Variants in ANK3 observed in about 807,000 individuals in gnomAD.
ANK3 encodes ankyrin-3.
In ANK3, 57 loss-of-function variants were observed where a neutral mutation model predicts 370.9. That is an observed-to-expected ratio of 0.15 (90% CI 0.12 to 0.19). ANK3 has a LOEUF of 0.19. ANK3 is among the 10% of genes least tolerant of loss of function. The pLI is 1.00. For synonymous variants in ANK3, 1,929 were observed against 1,946.3 expected (o/e 0.99, Z 0.23); for missense variants, 4,439 against 5,302.1 (o/e 0.84, Z 5.06).
chr10:60,089,459 T>TTGTGTGTGTGTGTG (rs61497871), intron 28 of ANK3, among the ~76,000 whole-genome samples: 3 of 141,536 alleles, frequency 2.1e-5, no homozygotes, highest in Non-Finnish European at 4.6e-5. Flanking sequence ...TCCATCCAGG[T>TTGTGTGTGTGTGTG]TGTGTGTGTG....
chr10:60,044,006 C>T (rs184496885), intron 42 of ANK3: 831 of 985,810 alleles, frequency 8.4e-4, no homozygotes, highest in Non-Finnish European at 9.5e-4. Flanking sequence ...AGCCTGTTAG[C>T]AGCAATTTCT....
intron 2 of ANK3, among the ~76,000 whole-genome samples, chr10:60,569,841 T>C (rs900944515): frequency 1.3e-5 from 2 of 152,184 alleles, no homozygotes; most frequent in African/African-American, 2.4e-5. Context: ...TAATTCCATA[T>C]GTCACTAGGA....
rs527349407 is a variant in ANK3, at chr10:60,574,082, C to T, written c.96+41104G>A. On this transcript the variant is annotated intron_variant, in intron 2 of 43. Coordinates refer to the ANK3 transcript ENST00000373827. ...GACTTAACAGTGGTTGAGGACATGA[C>T]GCTAAAATATTAAACCAAAAGAACA... is the stretch of plus-strand genomic sequence containing the variant. Among the ~76,000 whole-genome samples the T allele has an allele frequency of 1.9e-4, 29 of 152,206 alleles. No individual in the cohort carries two copies. The Middle Eastern group carries it at 0.017, about 89-fold the overall frequency.
At chr10:60,185,050 C>T (rs2096288455) in intron 17 of ANK3, among the ~76,000 whole-genome samples, 1 of 152,074 alleles carries the variant, frequency 6.6e-6, no homozygotes, top group African/African-American at 2.4e-5. Flanking sequence ...TTCAAAAGAT[C>T]AAACAAATCT....
chr10:60,727,720 T>G (rs1293751008), intron 1 of ANK3, among the ~76,000 whole-genome samples: 1 of 152,086 alleles, frequency 6.6e-6, no homozygotes, highest in Non-Finnish European at 1.5e-5. Flanking sequence ...ACCTCAGTTC[T>G]CTCATATCTA....
At chr10:60,683,823 C>A (rs1436499891) in intron 1 of ANK3, among the ~76,000 whole-genome samples, 2 of 152,112 alleles carry the variant, frequency 1.3e-5, no homozygotes, top group African/African-American at 4.8e-5. Context: ...TACATGACAA[C>A]CACATATAAA....
At chr10:60,385,168 C>T (rs1428584146) in intron 1 of ANK3, among the ~76,000 whole-genome samples, 1 of 152,124 alleles carries the variant, frequency 6.6e-6, no homozygotes, top group East Asian at 1.9e-4. Flanking sequence ...CATGCTCTGG[C>T]ACCTGCTTAC....
chr10:60,263,811 A>G (rs370307888), intron 6 of ANK3, 24 bp downstream of exon 6: 1 of 1,612,634 alleles, frequency 6.2e-7, no homozygotes. Context: ...GTTGCATGAC[A>G]GGCCCGTGTC....
intron 13 of ANK3, among the ~76,000 whole-genome samples, chr10:60,198,746 C>T (rs564060983): frequency 3.3e-5 from 5 of 152,230 alleles, no homozygotes; most frequent in Middle Eastern, 3.4e-3. Context: ...GAGAGTGACT[C>T]ATTAATAAGA....
intron 35 of ANK3, among the ~76,000 whole-genome samples, chr10:60,080,937 C>T (rs758398344): frequency 3.3e-5 from 5 of 152,226 alleles, no homozygotes; most frequent in African/African-American, 1.2e-4. Flanking sequence ...AGTACACTCA[C>T]TCTATGTGAG....
intron 2 of ANK3, among the ~76,000 whole-genome samples, chr10:60,601,015 A>C (rs770649673): frequency 2.6e-5 from 4 of 152,166 alleles, no homozygotes; most frequent in Admixed American, 6.6e-5. Context: ...CCCAAATAAG[A>C]AATATGTATG....
chr10:60,202,813 T>G (rs754891262), intron 12 of ANK3, among the ~76,000 whole-genome samples, 189 bp downstream of exon 12: 3 of 152,014 alleles, frequency 2.0e-5, no homozygotes, highest in Non-Finnish European at 4.4e-5. Context: ...GAGGCTGAGA[T>G]GGGAGGAGCA....
At chr10:60,101,807 T>C (rs1045869414) in intron 28 of ANK3, among the ~76,000 whole-genome samples, 47 of 152,212 alleles carry the variant, frequency 3.1e-4, no homozygotes, top group African/African-American at 1.1e-3. Context: ...TTTTCCTGAA[T>C]ACATACCATA....
chr10:60,628,724 A>G (rs1300802665), intron 1 of ANK3, among the ~76,000 whole-genome samples: 1 of 152,184 alleles, frequency 6.6e-6, no homozygotes, highest in Non-Finnish European at 1.5e-5. Flanking sequence ...AAATTGTAAA[A>G]CTTGAAGTTC....
intron 18 of ANK3, among the ~76,000 whole-genome samples, chr10:60,175,747 G>T (rs1211608879): frequency 6.6e-6 from 1 of 152,238 alleles, no homozygotes; most frequent in Non-Finnish European, 1.5e-5. Context: ...GCAGCCAGGA[G>T]CCCGGGCCTC....
intron 35 of ANK3, chr10:60,081,498 GA>G (rs1208074217): frequency 4.5e-6 from 2 of 442,752 alleles, no homozygotes; most frequent in Admixed American, 5.2e-5. Context: ...GAAACATTAG[GA>G]GACAACTTAA....
chr10:60,628,889 A>G (rs544318397), intron 1 of ANK3, among the ~76,000 whole-genome samples: 36 of 152,332 alleles, frequency 2.4e-4, no homozygotes, highest in African/African-American at 8.4e-4. Flanking sequence ...CCAATTGGTT[A>G]GGAATTTCAA....
chr10:60,441,989 A>C (rs2064310640), intron 2 of ANK3, among the ~76,000 whole-genome samples: 1 of 152,050 alleles, frequency 6.6e-6, no homozygotes, highest in African/African-American at 2.4e-5. Flanking sequence ...TGCAACCACG[A>C]GATTGGTTTC....
At chr10:60,405,853 G>T (rs975971384) in intron 2 of ANK3, among the ~76,000 whole-genome samples, 2 of 152,216 alleles carry the variant, frequency 1.3e-5, no homozygotes, top group Admixed American at 1.3e-4. Flanking sequence ...AGGTATGTGG[G>T]CATTCATTGT....
Sources: gnomAD v4.1 joint callset for allele counts (sites outside exome capture counted in the v4.1 genomes callset) on GRCh38, gnomAD v4.1.1 for gene constraint, MANE v1.5 for transcripts, NCBI Gene and HGNC (gene_info 2026-07-23, HGNC 2026-07-21) for gene names.